Variants in OGDH observed in about 807,000 individuals in gnomAD.
OGDH encodes the protein oxoglutarate dehydrogenase, also known as 2-oxoglutarate dehydrogenase complex component E1.
In OGDH, 38 loss-of-function variants were observed where a neutral mutation model predicts 116.6. The observed-to-expected ratio is 0.33, with a 90% CI of 0.25 to 0.43. The LOEUF is 0.43. Among genes scored for constraint, OGDH ranks in the 20% least tolerant of loss-of-function variants. OGDH has a pLI of 1.00. For synonymous variants in OGDH, 488 were observed against 533.3 expected (o/e 0.92, Z 1.17); for missense variants, 825 against 1,357.2 (o/e 0.61, Z 6.16).
chr7:44,614,293 G>A (rs1458294648), intron 1 of OGDH, among the ~76,000 whole-genome samples: 2 of 143,552 alleles, frequency 1.4e-5, no homozygotes, highest in African/African-American at 2.6e-5. Flanking sequence ...TCAAGGTTTT[G>A]GTTTTTTTTG....
intron 20 of OGDH, among the ~76,000 whole-genome samples, chr7:44,706,241 TTC>T (rs1789064734): frequency 6.6e-6 from 1 of 151,856 alleles, no homozygotes; most frequent in Non-Finnish European, 1.5e-5. Flanking sequence ...TCTGAATATT[TTC>T]TCTGATTGTG....
chr7:44,684,870 A>G (rs1057472519), intron 10 of OGDH, among the ~76,000 whole-genome samples: 1 of 151,756 alleles, frequency 6.6e-6, no homozygotes, highest in East Asian at 1.9e-4. Context: ...GCTCACTGCA[A>G]CCTCCACCTC....
At position 44,672,637 on chromosome 7, in the gene OGDH, G is replaced by GTTTTTTTTTTTT. The variant is rs1175741464; in HGVS notation, c.634-1144_634-1143insTTTTTTTTTTTT. Among the ~76,000 whole-genome samples the GTTTTTTTTTTTT allele has an allele frequency of 1.5e-4, 21 of 135,840 alleles. 2 individuals are homozygous for GTTTTTTTTTTTT. The highest frequency in any genetic ancestry group is 7.5e-3 in the Middle Eastern group (2 of 266). 89.1% of individuals were successfully genotyped at this position (135,840 alleles called of 152,430 possible). A position where few individuals can be genotyped will look rare whatever the true frequency, so the allele number is the denominator to read the frequency against. On this transcript the variant is annotated intron_variant, in intron 5 of 22. Coordinates refer to ENST00000222673, the MANE Select transcript of OGDH (RefSeq NM_002541.4). ...GGCAGCCCGAGAGGGATTTCTTTTTGTTTTTTGTTTTTTTTTTTTTTTTGA... is the reference window on the plus strand; with the variant it reads ...GGCAGCCCGAGAGGGATTTCTTTTTGTTTTTTTTTTTTTTTTTTGTTTTTTTTTTTTTTTTGA...
intron 1 of OGDH, among the ~76,000 whole-genome samples, chr7:44,617,915 G>A (rs1345150339): frequency 1.3e-5 from 2 of 152,094 alleles, no homozygotes; most frequent in African/African-American, 4.8e-5. Context: ...ATAGGCGTCA[G>A]TAGTTGGTTT....
intron 1 of OGDH, among the ~76,000 whole-genome samples, chr7:44,623,232 G>GT (rs1206954592): frequency 6.6e-6 from 1 of 152,042 alleles, no homozygotes; most frequent in Non-Finnish European, 1.5e-5. Flanking sequence ...TCCACATGCA[G>GT]TGCCTCGTCT....
Position 44,694,896 on chromosome 7 carries a change from T to A in OGDH, c.1668+320T>A, listed in dbSNP as rs879076309. Among the ~76,000 whole-genome samples, 7 of 152,122 alleles carry A rather than the reference T, an allele frequency of 4.6e-5. No homozygotes were observed. The highest frequency in any genetic ancestry group is 1.7e-4 in the African/African-American group (7 of 41,432). On this transcript the variant is annotated intron_variant, in intron 12 of 22. Transcript: ENST00000222673. The surrounding 1 kb of genome is among the most constrained non-coding windows in gnomAD (Gnocchi z 4.2). ...TTGAGAGGTGGGTGGTGGATCCAGC[T>A]TGGTAAGGGGCCTGTTGTAATCTGG...
At chr7:44,614,016 G>C (rs768557247) in intron 1 of OGDH, among the ~76,000 whole-genome samples, 1 of 151,720 alleles carries the variant, frequency 6.6e-6, no homozygotes, top group Non-Finnish European at 1.5e-5. Context: ...ATGTTGGTCA[G>C]GCTGGTCTGA....
At chr7:44,624,707 C>G in intron 2 of OGDH, 142 bp downstream of exon 2, 1 of 716,216 alleles carries the variant, frequency 1.4e-6, no homozygotes, top group Non-Finnish European at 2.5e-6. Context: ...GTATCTGTAT[C>G]GGACCCAGCA....
At chr7:44,615,196 A>T (rs1359588414) in intron 1 of OGDH, among the ~76,000 whole-genome samples, 2 of 152,280 alleles carry the variant, frequency 1.3e-5, no homozygotes, top group Non-Finnish European at 1.5e-5. Context: ...TCTGGGTGTT[A>T]TGTTATGGAC....
chr7:44,663,060 T>C (rs1185203123), intron 4 of OGDH, among the ~76,000 whole-genome samples: 1 of 152,230 alleles, frequency 6.6e-6, no homozygotes, highest in African/African-American at 2.4e-5. Flanking sequence ...TATCCATTTA[T>C]ATGTATGTGA....
At chr7:44,671,039 A>G (rs961614347) in intron 5 of OGDH, among the ~76,000 whole-genome samples, 4 of 151,884 alleles carry the variant, frequency 2.6e-5, no homozygotes, top group Admixed American at 6.6e-5. Context: ...GAAAAGAAAA[A>G]AAAGAAAATA....
intron 2 of OGDH, among the ~76,000 whole-genome samples, chr7:44,632,648 C>T (rs570056208): frequency 6.6e-6 from 1 of 151,554 alleles, no homozygotes; most frequent in African/African-American, 2.4e-5. Context: ...GATGGACTTT[C>T]GCTCTGTCAC....
At chr7:44,628,084 C>A (rs1002293009) in intron 2 of OGDH, among the ~76,000 whole-genome samples, 11 of 152,216 alleles carry the variant, frequency 7.2e-5, no homozygotes, top group Non-Finnish European at 1.6e-4. Context: ...GCAGCTTCAA[C>A]AGCTGTCTTA....
intron 4 of OGDH, among the ~76,000 whole-genome samples, chr7:44,659,666 G>A (rs971260900): frequency 2.0e-5 from 3 of 152,150 alleles, no homozygotes; most frequent in African/African-American, 4.8e-5. Flanking sequence ...TGTCAAATGT[G>A]TGTAGTGTTA....
chr7:44,677,262 G>A (rs1313672406), intron 9 of OGDH, among the ~76,000 whole-genome samples: 4 of 152,096 alleles, frequency 2.6e-5, no homozygotes, highest in Non-Finnish European at 4.4e-5. Context: ...TTAGAAAAAA[G>A]GTCGTGTGTA....
chr7:44,631,608 G>T (rs1268844007), intron 2 of OGDH, among the ~76,000 whole-genome samples: 1 of 152,176 alleles, frequency 6.6e-6, no homozygotes, highest in Non-Finnish European at 1.5e-5. Flanking sequence ...TTTATTTAGG[G>T]TGATAAAATT....
At chr7:44,689,754 G>T (rs939609380) in intron 10 of OGDH, among the ~76,000 whole-genome samples, 2 of 152,052 alleles carry the variant, frequency 1.3e-5, no homozygotes, top group Non-Finnish European at 2.9e-5. Flanking sequence ...TGACTGGATT[G>T]TCTTTTTATT....
intron 2 of OGDH, among the ~76,000 whole-genome samples, chr7:44,639,056 A>G (rs1785802773): frequency 6.6e-6 from 1 of 152,162 alleles, no homozygotes; most frequent in African/African-American, 2.4e-5. Flanking sequence ...CAAACATCCC[A>G]TGGAAAGAAG....
At chr7:44,619,361 G>A (rs1165691889) in intron 1 of OGDH, among the ~76,000 whole-genome samples, 1 of 152,198 alleles carries the variant, frequency 6.6e-6, no homozygotes, top group Admixed American at 6.5e-5. Context: ...TTGACCTGTG[G>A]TATCTGATGC....
Sources: gnomAD v4.1 joint callset for allele counts (sites outside exome capture counted in the v4.1 genomes callset) on GRCh38, gnomAD v4.1.1 for gene constraint, Gnocchi (gnomAD v3.1) non-coding constraint, MANE v1.5 for transcripts, NCBI Gene and HGNC (gene_info 2026-07-23, HGNC 2026-07-21) for gene names.